The following KIRREL3 variants were observed in gnomAD, a reference collection of about 807,000 sequenced individuals.
The protein encoded by KIRREL3 is kin of IRRE-like protein 3.
KIRREL3 carries 36 observed loss-of-function variants against 89.7 expected under a neutral mutation model. The observed-to-expected ratio is 0.40, with a 90% CI of 0.31 to 0.53. The LOEUF (loss-of-function observed/expected upper bound fraction) is 0.53, where lower values mean the gene tolerates loss of function less well. KIRREL3 is among the 20% of genes least tolerant of loss of function. The pLI is 0.49. For synonymous variants in KIRREL3, 445 were observed against 441.4 expected, an observed-to-expected ratio of 1.01 and a Z score of -0.10; for missense variants, 864 against 1,056.6, an observed-to-expected ratio of 0.82 and a Z score of 2.53.
intron 4 of KIRREL3, among the ~76,000 whole-genome samples, chr11:126,500,297 T>C (rs1434971007): frequency 6.6e-6 from 1 of 152,158 alleles, no homozygotes; most frequent in Non-Finnish European, 1.5e-5. Flanking sequence ...AATTTAAATT[T>C]AAATAGCCAC....
In KIRREL3 at chr11:126,496,287, A is replaced by G. The variant is rs1165079552; in HGVS notation, c.434-22821T>C. ...CTGTGCTGTTTGCAAAATGCTTTCTATACACGTTCATCTTTCTCTTTACCA... is the reference window on the plus strand; with the variant it reads ...CTGTGCTGTTTGCAAAATGCTTTCTGTACACGTTCATCTTTCTCTTTACCA... On this transcript the variant is annotated intron_variant, in intron 4 of 16. Transcript: ENST00000525144. This position sits in a 1 kb window ranked among gnomAD's most constrained non-coding sequence, Gnocchi z 4.9. Among the ~76,000 whole-genome samples the G allele has an allele frequency of 7.9e-5, 12 of 152,216 alleles. No homozygotes were observed. Among genetic ancestry groups the G allele is most frequent in the Admixed American group, 6.5e-5 (1 of 15,282 alleles).
At chr11:126,630,059 T>G (rs1480287773) in intron 1 of KIRREL3, among the ~76,000 whole-genome samples, 1 of 152,218 alleles carries the variant, frequency 6.6e-6, no homozygotes, top group Non-Finnish European at 1.5e-5. Context: ...GAGGGGATTA[T>G]TCATGTTATT....
At chr11:126,852,525 A>G (rs1375225216) in intron 1 of KIRREL3, among the ~76,000 whole-genome samples, 1 of 152,194 alleles carries the variant, frequency 6.6e-6, no homozygotes, top group African/African-American at 2.4e-5. Context: ...TATATATAGT[A>G]TCTGGAGACC....
Position 126,768,884 on chromosome 11 carries a change from G to C in KIRREL3, c.56-205972C>G, listed in dbSNP as rs1259758296. ...TGGAGCACGAGAGCCATGGCAAGAA[G>C]GCGATGTTGCTTCCCACATGCGTGG... On this transcript the variant is annotated intron_variant, in intron 1 of 16. Coordinates refer to ENST00000525144, the MANE Select transcript of KIRREL3 (RefSeq NM_032531.4). This position sits in a 1 kb window ranked among gnomAD's most constrained non-coding sequence, Gnocchi z 4.5. Among the ~76,000 whole-genome samples, 1 of 152,220 alleles carries C rather than the reference G, an allele frequency of 6.6e-6. No individual in the cohort carries two copies. Among genetic ancestry groups the C allele is most frequent in the African/African-American group, 2.4e-5 (1 of 41,460 alleles).
chr11:126,804,031 G>A (rs748335584), intron 1 of KIRREL3, among the ~76,000 whole-genome samples: 20 of 152,160 alleles, frequency 1.3e-4, no homozygotes, highest in Non-Finnish European at 2.5e-4. Flanking sequence ...GCATATATGT[G>A]TCATCTATGT....
chr11:126,848,813 T>C (rs976937047), intron 1 of KIRREL3, among the ~76,000 whole-genome samples: 2 of 152,206 alleles, frequency 1.3e-5, no homozygotes, highest in African/African-American at 4.8e-5. Flanking sequence ...ATACCAAAGC[T>C]TTCTGACTGA....
chr11:126,545,686 C>A (rs967712142), intron 2 of KIRREL3, among the ~76,000 whole-genome samples: 1 of 150,988 alleles, frequency 6.6e-6, no homozygotes, highest in Admixed American at 6.6e-5. Flanking sequence ...GGAGAACAGG[C>A]CTTCAGGGAG....
rs1949179672 is a variant in KIRREL3 at position 126,747,146 on chromosome 11, C to T, written c.56-184234G>A. ...GTGTAGCTAACTTGTTTTCCTTCCC[C>T]ATCAAATGAGCAAGTTGGCCTCATA... On this transcript the variant is annotated intron_variant, in intron 1 of 16. Coordinates refer to ENST00000525144, the MANE Select transcript of KIRREL3 (RefSeq NM_032531.4). The surrounding 1 kb of genome is among the most constrained non-coding windows in gnomAD (Gnocchi z 4.7). Among the ~76,000 whole-genome samples the T allele has an allele frequency of 6.6e-6, 1 of 152,188 alleles. No individual in the cohort carries two copies. Among genetic ancestry groups the T allele is most frequent in the South Asian group, 2.1e-4 (1 of 4,824 alleles).
At chr11:126,942,730 ACT>A (rs926033920) in intron 1 of KIRREL3, among the ~76,000 whole-genome samples, 1 of 152,038 alleles carries the variant, frequency 6.6e-6, no homozygotes, top group Non-Finnish European at 1.5e-5. Flanking sequence ...TCTCCCCTGC[ACT>A]CTTTGTGTGG....
rs902929893 is a variant in KIRREL3 at position 126,780,371 on chromosome 11, C to A, written c.56-217459G>T. On this transcript the variant is annotated intron_variant, in intron 1 of 16. Transcript: ENST00000525144. The surrounding 1 kb of genome is among the most constrained non-coding windows in gnomAD (Gnocchi z 5.3). ...TGACATTGTGGCTTTAAATAAAAAC[C>A]AGCTATTCGTGGGGAAGCCTGACAG... Among the ~76,000 whole-genome samples the A allele has an allele frequency of 6.6e-6, 1 of 152,088 alleles. No homozygotes were observed. Among genetic ancestry groups the A allele is most frequent in the Non-Finnish European group, 1.5e-5 (1 of 68,014 alleles).
rs375385331 is a variant in KIRREL3 at position 126,768,341 on chromosome 11, T to TCCATCCATCCATCCAC, written c.56-205430_56-205429insGTGGATGGATGGATGG. 8.4e-4 allele frequency among the ~76,000 whole-genome samples: 128 copies of TCCATCCATCCATCCAC among 152,324 alleles called. 2 individuals carry two copies. Among genetic ancestry groups the TCCATCCATCCATCCAC allele is most frequent in the African/African-American group, 2.7e-3 (113 of 41,578 alleles). ...TGTCCATCCATACTGCATCCATCCA[T>TCCATCCATCCATCCAC]CCACTTATCCCACAAATACTGAGTG... On this transcript the variant is annotated intron_variant, in intron 1 of 16. Transcript: ENST00000525144. This position sits in a 1 kb window ranked among gnomAD's most constrained non-coding sequence, Gnocchi z 4.5.
chr11:126,572,720 G>A (rs1175653859), intron 1 of KIRREL3, among the ~76,000 whole-genome samples: 4 of 152,160 alleles, frequency 2.6e-5, no homozygotes, highest in Non-Finnish European at 5.9e-5. Flanking sequence ...GGTGAGGTGG[G>A]GAAGCGTGGA....
At position 126,647,254 on chromosome 11, in the gene KIRREL3, C is replaced by T. The variant is rs897899948; in HGVS notation, c.56-84342G>A. Among the ~76,000 whole-genome samples, 3 of 152,210 alleles carry T rather than the reference C, an allele frequency of 2.0e-5. No individual in the cohort carries two copies. Among genetic ancestry groups the T allele is most frequent in the Non-Finnish European group, 4.4e-5 (3 of 68,040 alleles). ...AAAATCTCCAAGCCCCAGTGCTTGT[C>T]TGCTGGGGTTTCTAGCTGGAAATCA... On this transcript the variant is annotated intron_variant, in intron 1 of 16. Transcript: ENST00000525144. The surrounding 1 kb of genome is among the most constrained non-coding windows in gnomAD (Gnocchi z 4.9).
rs1951605801 is a variant in KIRREL3 at position 126,817,299 on chromosome 11, G to GGT, written c.55+183155_55+183156insAC. Among the ~76,000 whole-genome samples the GGT allele has an allele frequency of 6.6e-6, 1 of 152,158 alleles. No homozygotes were observed. The highest frequency in any genetic ancestry group is 1.5e-5 in the Non-Finnish European group (1 of 68,032). On this transcript the variant is annotated intron_variant, in intron 1 of 16. Transcript: ENST00000525144. This position sits in a 1 kb window ranked among gnomAD's most constrained non-coding sequence, Gnocchi z 5.7. Reference sequence around the variant, plus strand: ...AATGAGGATTTGCCTGAGTCAGAATGAGTTTCCAAGGAAAGAGGATGCAGT... The same window carrying GGT: ...AATGAGGATTTGCCTGAGTCAGAATGGTAGTTTCCAAGGAAAGAGGATGCAGT...
At position 126,697,260 on chromosome 11, in the gene KIRREL3, C is replaced by CG. The variant is rs1190041361; in HGVS notation, c.56-134349dup. ...GGGAGATGACAGGACTACAAGAAGGCGGGACTTCCTCTATTGCCCTAGGCC... is the reference window on the plus strand; with the variant it reads ...GGGAGATGACAGGACTACAAGAAGGCGGGGACTTCCTCTATTGCCCTAGGCC... On this transcript the variant is annotated intron_variant, in intron 1 of 16. Transcript: ENST00000525144. The surrounding 1 kb of genome is among the most constrained non-coding windows in gnomAD (Gnocchi z 4.2). Among the ~76,000 whole-genome samples the CG allele has an allele frequency of 6.6e-6, 1 of 152,208 alleles. No homozygotes were observed. Among genetic ancestry groups the CG allele is most frequent in the Non-Finnish European group, 1.5e-5 (1 of 68,046 alleles).
intron 5 of KIRREL3, among the ~76,000 whole-genome samples, chr11:126,465,742 G>A (rs1308666617): frequency 2.6e-5 from 4 of 152,142 alleles, no homozygotes; most frequent in Non-Finnish European, 4.4e-5. Context: ...GCAGCAAGCC[G>A]GGGGCAGGAC....
chr11:126,646,456 A>G (rs1324784900), intron 1 of KIRREL3, among the ~76,000 whole-genome samples: 3 of 150,302 alleles, frequency 2.0e-5, no homozygotes, highest in African/African-American at 7.3e-5. Flanking sequence ...CTGCAACTCT[A>G]AATTTGTGCC....
chr11:126,607,983 C>G lies in KIRREL3; in HGVS notation c.56-45071G>C, dbSNP rs372053126. ...GCAGCAAGGGCCCGAGGAACGAGCACGTCAGCTGTCTCCAGGGCCTTTCTC... is the reference window on the plus strand; with the variant it reads ...GCAGCAAGGGCCCGAGGAACGAGCAGGTCAGCTGTCTCCAGGGCCTTTCTC... On this transcript the variant is annotated intron_variant, in intron 1 of 16. Transcript: ENST00000525144. The surrounding 1 kb of genome is among the most constrained non-coding windows in gnomAD (Gnocchi z 6.6). Among the ~76,000 whole-genome samples, 17 of 152,322 alleles carry G rather than the reference C, an allele frequency of 1.1e-4. No individual in the cohort carries two copies. Among genetic ancestry groups the G allele is most frequent in the African/African-American group, 3.6e-4 (15 of 41,566 alleles).
intron 1 of KIRREL3, among the ~76,000 whole-genome samples, chr11:126,725,143 G>C (rs1173348196): frequency 6.6e-6 from 1 of 152,222 alleles, no homozygotes; most frequent in Non-Finnish European, 1.5e-5. Flanking sequence ...TATTTCTTAA[G>C]CCTGTGGGTA....
Sources: gnomAD v4.1 joint callset for allele counts (sites outside exome capture counted in the v4.1 genomes callset) on GRCh38, gnomAD v4.1.1 for gene constraint, Gnocchi (gnomAD v3.1) non-coding constraint, MANE v1.5 for transcripts, NCBI Gene and HGNC (gene_info 2026-07-23, HGNC 2026-07-21) for gene names.